The following ZC3H12B variants were observed in gnomAD, a reference collection of about 807,000 sequenced individuals.
The protein encoded by ZC3H12B is probable ribonuclease ZC3H12B.
A neutral mutation model predicts 43.9 loss-of-function variants in ZC3H12B; 7 were observed. That is an observed-to-expected ratio of 0.16 (90% CI 0.09 to 0.30). ZC3H12B has a LOEUF of 0.30. ZC3H12B is among the 10% of genes least tolerant of loss of function. ZC3H12B has a pLI of 1.00. For synonymous variants in ZC3H12B, 222 were observed against 241.7 expected (o/e 0.92, Z 0.76); for missense variants, 475 against 670.2 (o/e 0.71, Z 3.22).
At chrX:65,442,918 C>G (rs1391111382) in intron 3 of ZC3H12B, among the ~76,000 whole-genome samples, 1 of 110,985 alleles carries the variant, frequency 9.0e-6, no homozygotes, top group African/African-American at 3.3e-5. Flanking sequence ...TAAGAGCCAT[C>G]GCTCGAGGCG....
At chrX:65,286,107 G>T in the ZC3H12B span, among the ~76,000 whole-genome samples, 1 of 111,414 alleles carries the variant, frequency 9.0e-6, no homozygotes, top group African/African-American at 3.3e-5. Flanking sequence ...AAAGACACAT[G>T]CACTCATATG....
At chrX:65,379,299 T>C (rs1257450893) in intron 2 of ZC3H12B, among the ~76,000 whole-genome samples, 2 of 111,503 alleles carry the variant, frequency 1.8e-5, no homozygotes, top group African/African-American at 6.5e-5. Context: ...GTCCCTGACC[T>C]CTGACCCCCA....
chrX:65,446,852 G>A (rs959930563), intron 3 of ZC3H12B, among the ~76,000 whole-genome samples: 4 of 112,018 alleles, frequency 3.6e-5, no homozygotes, highest in Non-Finnish European at 7.5e-5. Flanking sequence ...TTATGAAAGT[G>A]CTTTCTTGTG....
At chrX:65,365,122 C>T (rs1473896126), upstream of ZC3H12B, among the ~76,000 whole-genome samples, 1 of 110,894 alleles carries the variant, frequency 9.0e-6, no homozygotes, top group African/African-American at 3.3e-5. Flanking sequence ...TTCAGTGGAA[C>T]CTTCATACCC....
chrX:65,444,729 C>T (rs2067353212), intron 3 of ZC3H12B, among the ~76,000 whole-genome samples: 1 of 111,865 alleles, frequency 8.9e-6, no homozygotes, highest in South Asian at 3.7e-4. Flanking sequence ...GTTTGAAGGG[C>T]TCAGAAGAAG....
the ZC3H12B span, among the ~76,000 whole-genome samples, chrX:65,137,528 C>T: frequency 8.9e-6 from 1 of 111,779 alleles, no homozygotes; most frequent in Non-Finnish European, 1.9e-5. Flanking sequence ...CAATTTAAGC[C>T]ACTCATAAGT....
Position 65,502,568 on chromosome X carries a change from C to T in ZC3H12B, c.1870C>T (p.Arg624Ter). Residue 624 changes from arginine (R) to a stop codon, truncating the protein, a stop_gained, in exon 5 of 5, where the codon CGA becomes TGA. Coordinates refer to ENST00000338957, the Ensembl canonical transcript of ZC3H12B. LOFTEE classifies it high-confidence loss of function. ...GCTGCACCGCTCAGCATCCCAGAACCGACTTCAGCCTTTTCCTCATGGTTA... is the reference window on the plus strand; with the variant it reads ...GCTGCACCGCTCAGCATCCCAGAACTGACTTCAGCCTTTTCCTCATGGTTA... The T allele has an allele frequency of 1.7e-6, 2 of 1,210,559 alleles. No homozygotes were observed. The highest frequency in any genetic ancestry group is 1.1e-6 in the Non-Finnish European group (1 of 895,008).
the ZC3H12B span, among the ~76,000 whole-genome samples, chrX:65,184,540 G>A: frequency 3.6e-5 from 4 of 111,800 alleles, no homozygotes; most frequent in Non-Finnish European, 7.5e-5. Flanking sequence ...AAAAAGGGCA[G>A]TCAGAGATTG....
intron 3 of ZC3H12B, among the ~76,000 whole-genome samples, chrX:65,421,415 C>T (rs916448075): frequency 8.9e-6 from 1 of 112,201 alleles, no homozygotes; most frequent in Non-Finnish European, 1.9e-5. Context: ...ACCCTGAGTC[C>T]TCAGTACAGC....
intron 3 of ZC3H12B, among the ~76,000 whole-genome samples, chrX:65,407,888 G>T (rs1253903228): frequency 8.8e-6 from 1 of 113,745 alleles, no homozygotes; most frequent in Non-Finnish European, 1.9e-5. Flanking sequence ...AGCCCGCACC[G>T]ACGGGAGCGG....
chrX:65,151,218 C>T, the ZC3H12B span, among the ~76,000 whole-genome samples: 1 of 111,703 alleles, frequency 9.0e-6, no homozygotes, highest in African/African-American at 3.3e-5. Flanking sequence ...ACATTTCTTC[C>T]TACAAATACA....
the ZC3H12B span, among the ~76,000 whole-genome samples, chrX:65,307,716 G>A: frequency 9.0e-6 from 1 of 111,584 alleles, no homozygotes; most frequent in African/African-American, 3.3e-5. Context: ...ATAAATTATT[G>A]TTCACAGAAT....
At chrX:65,264,080 G>A in the ZC3H12B span, among the ~76,000 whole-genome samples, 8 of 111,503 alleles carry the variant, frequency 7.2e-5, no homozygotes, top group African/African-American at 2.3e-4. Flanking sequence ...CAAATACCTT[G>A]TCACTTATAA....
intron 3 of ZC3H12B, among the ~76,000 whole-genome samples, chrX:65,406,900 G>A (rs2066835780): frequency 8.9e-6 from 1 of 112,375 alleles, no homozygotes; most frequent in African/African-American, 3.2e-5. Flanking sequence ...GCACCGCTGT[G>A]ACTACTCCGG....
exon 5 of ZC3H12B, chrX:65,505,320 G>C (rs759047589): frequency 8.9e-5 from 10 of 112,289 alleles, no homozygotes; most frequent in Non-Finnish European, 1.3e-4. Context: ...TGAGGCTGTA[G>C]TCAGGGTTGT....
chrX:65,244,727 CAAAAAAAAA>C, the ZC3H12B span, among the ~76,000 whole-genome samples: 2 of 20,372 alleles, frequency 9.8e-5, no homozygotes, highest in African/African-American at 2.0e-4. Context: ...AATACCTTGC[CAAAAAAAAA>C]AAAAAAAAAA....
chrX:65,486,524 C>T (rs1468526632), upstream of ZC3H12B, among the ~76,000 whole-genome samples: 1 of 112,376 alleles, frequency 8.9e-6, no homozygotes, highest in East Asian at 2.8e-4. Flanking sequence ...CACCTTCACA[C>T]TTACACAGGT....
chrX:65,110,201 A>G, the ZC3H12B span, among the ~76,000 whole-genome samples: 1 of 110,308 alleles, frequency 9.1e-6, no homozygotes, highest in African/African-American at 3.3e-5. Flanking sequence ...CTGGTCCTTT[A>G]TTGGATATGC....
chrX:65,062,277 G>GT, the ZC3H12B span, among the ~76,000 whole-genome samples: 1 of 112,190 alleles, frequency 8.9e-6, no homozygotes, highest in African/African-American at 3.2e-5. Context: ...TTCTTCTAGG[G>GT]TTTTTATGGT....
Sources: gnomAD v4.1 joint callset for allele counts (sites outside exome capture counted in the v4.1 genomes callset) on GRCh38, gnomAD v4.1.1 for gene constraint, MANE v1.5 for transcripts, NCBI Gene and HGNC (gene_info 2026-07-23, HGNC 2026-07-21) for gene names.